The following AGBL1 variants were observed in gnomAD, a reference collection of about 807,000 sequenced individuals.
AGBL1 encodes AGBL carboxypeptidase 1, also known as cytosolic carboxypeptidase 4.
In AGBL1, 130 loss-of-function variants were observed where a neutral mutation model predicts 118.9. The ratio of observed to expected loss-of-function variants is 1.09; its 90% CI spans 0.95 to 1.26. The LOEUF is 1.26. AGBL1 is among the 50% of genes most tolerant of loss of function. The pLI is 0.00. For synonymous variants in AGBL1, 555 were observed against 478.9 expected (o/e 1.16, Z -2.08); for missense variants, 1,584 against 1,298.1 (o/e 1.22, Z -3.38).
intron 1 of AGBL1, among the ~76,000 whole-genome samples, chr15:86,120,363 C>G (rs953282544): frequency 6.6e-6 from 1 of 152,208 alleles, no homozygotes; most frequent in Admixed American, 6.5e-5. Context: ...ACTCAGTGAG[C>G]CTGTCTCCAG....
At chr15:86,545,009 T>C (rs1464995699) in intron 19 of AGBL1, among the ~76,000 whole-genome samples, 5 of 152,208 alleles carry the variant, frequency 3.3e-5, no homozygotes, top group African/African-American at 1.2e-4. Flanking sequence ...GGAACGTACT[T>C]ACCTACACCA....
At chr15:86,600,679 G>T (rs887576028) in intron 21 of AGBL1, among the ~76,000 whole-genome samples, 1 of 152,156 alleles carries the variant, frequency 6.6e-6, no homozygotes, top group South Asian at 2.1e-4. Flanking sequence ...AGGAAAGGAA[G>T]CTGAATCAGA....
intron 18 of AGBL1, among the ~76,000 whole-genome samples, chr15:86,413,346 A>G (rs954485874): frequency 1.1e-3 from 167 of 152,208 alleles, no homozygotes; most frequent in African/African-American, 3.9e-3. Flanking sequence ...ATTATGCATA[A>G]TATTATGACA....
chr15:86,994,316 T>C (rs1000323138), intron 24 of AGBL1, among the ~76,000 whole-genome samples: 7 of 148,126 alleles, frequency 4.7e-5, no homozygotes, highest in South Asian at 4.2e-4. Context: ...TCTCTCTATA[T>C]ATATATATCC....
chr15:86,637,352 G>A (rs994660325), intron 21 of AGBL1, among the ~76,000 whole-genome samples: 10 of 152,114 alleles, frequency 6.6e-5, no homozygotes, highest in Admixed American at 3.9e-4. Flanking sequence ...GGAGGATAAC[G>A]TGGATTGTTT....
chr15:86,689,757 C>T (rs1415036020), intron 22 of AGBL1, among the ~76,000 whole-genome samples: 1 of 151,984 alleles, frequency 6.6e-6, no homozygotes, highest in Non-Finnish European at 1.5e-5. Context: ...GATACTACAA[C>T]ACATTAGGAT....
chr15:86,471,559 C>T (rs372033993), intron 18 of AGBL1, among the ~76,000 whole-genome samples: 4 of 149,904 alleles, frequency 2.7e-5, no homozygotes, highest in East Asian at 3.9e-4. Flanking sequence ...ACACTGGCCT[C>T]GTAAAATGAA....
intron 18 of AGBL1, among the ~76,000 whole-genome samples, chr15:86,439,780 C>T (rs970522514): frequency 6.6e-6 from 1 of 152,178 alleles, no homozygotes; most frequent in Admixed American, 6.5e-5. Flanking sequence ...TAAATTCCTC[C>T]TCTCTCCAAC....
chr15:86,466,085 G>A (rs576411537), intron 18 of AGBL1, among the ~76,000 whole-genome samples: 5 of 152,264 alleles, frequency 3.3e-5, no homozygotes, highest in East Asian at 1.9e-4. Context: ...CAGACCGGCC[G>A]ACACTTAGGG....
chr15:86,203,909 G>A (rs1484947163), intron 5 of AGBL1, among the ~76,000 whole-genome samples: 1 of 152,076 alleles, frequency 6.6e-6, no homozygotes, highest in Non-Finnish European at 1.5e-5. Context: ...GGATCCAATA[G>A]ATGTGATGAT....
In AGBL1 at chr15:86,679,349, A is replaced by T. The variant is rs556842807; in HGVS notation, c.3158+4913A>T. Among the ~76,000 whole-genome samples the T allele has an allele frequency of 3.3e-5, 5 of 152,172 alleles. No homozygotes were observed. The South Asian group carries it at 6.2e-4, about 19-fold the overall frequency. ...ATATTTAAAAAAGTTTTGTTCATCT[A>T]AAAAATGTGTATTTTTCACTACATT... On this transcript the variant is annotated intron_variant, in intron 22 of 22. Coordinates refer to ENST00000614907, the MANE Select transcript of AGBL1 (RefSeq NM_001386094.1).
At chr15:86,361,245 A>G (rs1488662064) in intron 17 of AGBL1, among the ~76,000 whole-genome samples, 3 of 151,838 alleles carry the variant, frequency 2.0e-5, no homozygotes, top group Non-Finnish European at 2.9e-5. Context: ...TTTAATTTCC[A>G]TATATTTTCT....
chr15:86,109,945 C>G (rs764210974), intron 1 of AGBL1: 2 of 152,244 alleles, frequency 1.3e-5, no homozygotes, highest in Non-Finnish European at 2.9e-5. Flanking sequence ...ATAAATTCCG[C>G]TAAACCCAAG....
At chr15:86,391,003 A>C (rs2141979933) in intron 17 of AGBL1, among the ~76,000 whole-genome samples, 1 of 150,040 alleles carries the variant, frequency 6.7e-6, no homozygotes, top group East Asian at 2.0e-4. Context: ...CCAGAAAACG[A>C]AGCACTATGG....
At chr15:86,563,285 C>T (rs982571507) in intron 21 of AGBL1, among the ~76,000 whole-genome samples, 1 of 152,122 alleles carries the variant, frequency 6.6e-6, no homozygotes, top group Non-Finnish European at 1.5e-5. Flanking sequence ...GCATTGAGTG[C>T]TATAAATTTC....
chr15:86,409,875 T>C (rs2081585643), intron 18 of AGBL1, among the ~76,000 whole-genome samples: 1 of 152,094 alleles, frequency 6.6e-6, no homozygotes, highest in South Asian at 2.1e-4. Flanking sequence ...TCCCCTCCTC[T>C]GATCCTCCTA....
intron 23 of AGBL1, among the ~76,000 whole-genome samples, chr15:86,942,985 T>C (rs577128535): frequency 1.3e-5 from 2 of 152,196 alleles, no homozygotes; most frequent in African/African-American, 2.4e-5. Context: ...ACCATCTTCT[T>C]AGCCTCACTG....
chr15:86,386,446 G>C (rs1163854191), intron 17 of AGBL1, among the ~76,000 whole-genome samples: 1 of 150,232 alleles, frequency 6.7e-6, no homozygotes, highest in Non-Finnish European at 1.5e-5. Context: ...TTCTGGGAGA[G>C]GGGTTGGCTT....
chr15:86,870,454 CAAAAAAAAAAAA>C (rs770556494), intron 22 of AGBL1, among the ~76,000 whole-genome samples: 1 of 64,118 alleles, frequency 1.6e-5, no homozygotes, highest in African/African-American at 7.6e-5. Context: ...AAGCATACTG[CAAAAAAAAAAAA>C]AAAAAAAAAA....
Sources: allele counts gnomAD v4.1 joint callset (sites outside exome capture counted in the v4.1 genomes callset), GRCh38; gene constraint gnomAD v4.1.1; transcripts MANE v1.5; gene names NCBI Gene and HGNC (gene_info 2026-07-23, HGNC 2026-07-21).